Variants in CNTNAP5 observed in about 807,000 individuals in gnomAD.
The protein encoded by CNTNAP5 is contactin associated protein family member 5.
A neutral mutation model predicts 150.2 loss-of-function variants in CNTNAP5; 72 were observed. The observed-to-expected ratio is 0.48, with a 90% CI of 0.40 to 0.58. The LOEUF (loss-of-function observed/expected upper bound fraction) is 0.58, where lower values mean the gene tolerates loss of function less well. Ranked by LOEUF, CNTNAP5 falls within the 20% of genes least tolerant of loss-of-function variation. The probability of loss-of-function intolerance (pLI) is 0.00; values close to 1 mark genes in which losing one functional copy is unlikely to be tolerated. For missense variants in CNTNAP5, 1,636 were observed against 1,626.2 expected (o/e 1.01, Z -0.10); for synonymous variants, 672 against 619.8 (o/e 1.08, Z -1.25).
intron 13 of CNTNAP5, among the ~76,000 whole-genome samples, chr2:124,684,090 G>T (rs976934579): frequency 2.0e-5 from 3 of 152,150 alleles, no homozygotes; most frequent in Non-Finnish European, 2.9e-5. Flanking sequence ...AAGTGCAACA[G>T]CCCATTAGAC....
At chr2:124,234,441 A>G (rs1367893388) in intron 2 of CNTNAP5, among the ~76,000 whole-genome samples, 2 of 152,236 alleles carry the variant, frequency 1.3e-5, no homozygotes, top group Non-Finnish European at 2.9e-5. Context: ...TGACTAAGAA[A>G]TTCAATTTTT....
intron 1 of CNTNAP5, among the ~76,000 whole-genome samples, chr2:124,050,627 C>T (rs1681670950): frequency 6.6e-6 from 1 of 152,128 alleles, no homozygotes; most frequent in South Asian, 2.1e-4. Context: ...GTTGACTCTG[C>T]CCCTGCCTCT....
intron 21 of CNTNAP5, among the ~76,000 whole-genome samples, chr2:124,902,542 T>C (rs1465084684): frequency 1.3e-5 from 2 of 152,210 alleles, no homozygotes; most frequent in South Asian, 2.1e-4. Context: ...CAGATAATGA[T>C]ACAAATTTTA....
chr2:124,536,118 A>G (rs1573443572), intron 10 of CNTNAP5, among the ~76,000 whole-genome samples: 1 of 152,220 alleles, frequency 6.6e-6, no homozygotes, highest in Admixed American at 6.5e-5. Context: ...CTGAAGTGAG[A>G]AATGTTACAA....
At chr2:124,083,091 C>T (rs1682595617) in intron 1 of CNTNAP5, among the ~76,000 whole-genome samples, 1 of 152,164 alleles carries the variant, frequency 6.6e-6, no homozygotes, top group Non-Finnish European at 1.5e-5. Context: ...TGGCTCATGC[C>T]TGCAATCCCA....
intron 5 of CNTNAP5, among the ~76,000 whole-genome samples, chr2:124,437,000 T>C (rs1692547423): frequency 6.6e-6 from 1 of 152,196 alleles, no homozygotes; most frequent in African/African-American, 2.4e-5. Flanking sequence ...ATTAGTACTT[T>C]AGTCCCTCCT....
intron 13 of CNTNAP5, among the ~76,000 whole-genome samples, chr2:124,711,650 AC>A (rs35116193): frequency 0.16 from 24,669 of 151,918 alleles, 2,255 homozygotes; most frequent in East Asian, 0.24. Flanking sequence ...ACACGGTGAA[AC>A]CCCGTCTCTA....
Position 124,239,320 on chromosome 2 carries a change from T to C in CNTNAP5, c.188-2880T>C, listed in dbSNP as rs140278177. ...CTTCATGTAAGTTCTTATCATATGC[T>C]AATTAGAATAGATGAAGGAAAAACT... On this transcript the variant is annotated intron_variant, in intron 2 of 23. Transcript: ENST00000682447. Among the ~76,000 whole-genome samples the C allele has an allele frequency of 3.8e-3, 576 of 152,284 alleles. 5 individuals carry two copies. Among genetic ancestry groups the C allele is most frequent in the African/African-American group, 0.013 (557 of 41,566 alleles).
At chr2:124,665,453 G>A (rs894706123) in intron 13 of CNTNAP5, among the ~76,000 whole-genome samples, 1 of 152,176 alleles carries the variant, frequency 6.6e-6, no homozygotes, top group African/African-American at 2.4e-5. Context: ...ATCAACTGAC[G>A]AGCAAATATT....
At chr2:124,101,796 T>G (rs1042486437) in intron 1 of CNTNAP5, among the ~76,000 whole-genome samples, 1 of 152,258 alleles carries the variant, frequency 6.6e-6, no homozygotes, top group Non-Finnish European at 1.5e-5. Flanking sequence ...CAATTCAATG[T>G]TAACAACCTG....
At chr2:124,575,450 C>A (rs1696261341) in intron 11 of CNTNAP5, among the ~76,000 whole-genome samples, 1 of 152,186 alleles carries the variant, frequency 6.6e-6, no homozygotes, top group Non-Finnish European at 1.5e-5. Flanking sequence ...GGGTCACAAA[C>A]CATTTTCAGT....
At chr2:124,889,692 C>G (rs532089321) in intron 21 of CNTNAP5, among the ~76,000 whole-genome samples, 1 of 152,214 alleles carries the variant, frequency 6.6e-6, no homozygotes, top group African/African-American at 2.4e-5. Context: ...AAACACACTT[C>G]TTGTCTGTTA....
Position 124,914,144 on chromosome 2 carries a change from C to T in CNTNAP5, c.3780C>T (p.Thr1260=), listed in dbSNP as rs2104771431. ...TCTTCTGTATCATCGGCATCATGACCCGGTTCCTCTACCAGCACAAGCAGT... is the reference window on the plus strand; with the variant it reads ...TCTTCTGTATCATCGGCATCATGACTCGGTTCCTCTACCAGCACAAGCAGT... ...FIIFCIIGIM[T]RFLYQHKQSH... Residue 1260 remains threonine, a synonymous_variant, in exon 24 of 24, where the codon ACC becomes ACT. Transcript: ENST00000682447. 3 of 1,612,542 alleles carry T rather than the reference C, an allele frequency of 1.9e-6. No individual in the cohort carries two copies. The East Asian group carries it at 6.7e-5, about 36-fold the overall frequency.
intron 3 of CNTNAP5, among the ~76,000 whole-genome samples, chr2:124,269,017 A>C (rs969919426): frequency 3.9e-5 from 6 of 152,062 alleles, no homozygotes; most frequent in African/African-American, 1.4e-4. Flanking sequence ...AAGGAGGACC[A>C]AAGCAGGGGC....
At chr2:124,262,144 C>A (rs750273179) in intron 3 of CNTNAP5, among the ~76,000 whole-genome samples, 45 of 151,972 alleles carry the variant, frequency 3.0e-4, no homozygotes, top group Non-Finnish European at 7.4e-5. Flanking sequence ...ACTCTGGAGG[C>A]TGAGGTGGGA....
At chr2:124,325,944 G>A (rs1233215857) in intron 3 of CNTNAP5, among the ~76,000 whole-genome samples, 1 of 152,164 alleles carries the variant, frequency 6.6e-6, no homozygotes, top group African/African-American at 2.4e-5. Context: ...TGTACAGGGA[G>A]TATGAGCATG....
At chr2:124,761,512 C>T (rs1680955064) in intron 14 of CNTNAP5, among the ~76,000 whole-genome samples, 1 of 152,068 alleles carries the variant, frequency 6.6e-6, no homozygotes, top group Non-Finnish European at 1.5e-5. Context: ...TCTTTGGTCT[C>T]ATATTACAGA....
intron 1 of CNTNAP5, among the ~76,000 whole-genome samples, chr2:124,205,203 G>A (rs531723802): frequency 1.3e-5 from 2 of 152,090 alleles, no homozygotes; most frequent in South Asian, 4.2e-4. Flanking sequence ...TTGGGTCATG[G>A]GGGCGGTTTC....
intron 3 of CNTNAP5, among the ~76,000 whole-genome samples, chr2:124,327,218 G>C (rs1364842895): frequency 6.6e-6 from 1 of 151,940 alleles, no homozygotes; most frequent in African/African-American, 2.4e-5. Flanking sequence ...CTGACCTTGT[G>C]ATCTGCCTGC....
Sources: allele counts gnomAD v4.1 joint callset (sites outside exome capture counted in the v4.1 genomes callset), GRCh38; gene constraint gnomAD v4.1.1; transcripts MANE v1.5; gene names NCBI Gene and HGNC (gene_info 2026-07-23, HGNC 2026-07-21).